PKD1L3: variants seen among roughly 807,000 people sequenced by gnomAD.
PKD1L3 encodes polycystin-1-like protein 3.
A neutral mutation model predicts 184.1 loss-of-function variants in PKD1L3; 239 were observed. That is an observed-to-expected ratio of 1.30 (90% CI 1.17 to 1.45). PKD1L3 has a LOEUF of 1.45. Ranked by LOEUF, PKD1L3 falls within the 40% of genes most tolerant of loss-of-function variation. The pLI, the probability that PKD1L3 is intolerant of heterozygous loss-of-function variation, is 0.00. For missense variants in PKD1L3, 2,660 were observed against 2,067.2 expected (o/e 1.29, Z -5.56); for synonymous variants, 996 against 778.8 (o/e 1.28, Z -4.64).
At position 71,982,029 on chromosome 16, in the gene PKD1L3, GATCTGGCCACCTGCAT is replaced by G; in HGVS notation, c.1143+14_1143+29del. 9.9e-6 allele frequency: 15 copies of G among 1,517,636 alleles called. No homozygotes were observed. Among genetic ancestry groups the G allele is most frequent in the Non-Finnish European group, 1.3e-5 (15 of 1,130,578 alleles). The allele number at this position is 1,517,636 out of a possible 1,614,324, so 94.0% of individuals were successfully genotyped here. A position where few individuals can be genotyped will look rare whatever the true frequency, so the allele number is the denominator to read the frequency against. ...GTCAAGATTAAAATGCTTCTAAGCA[GATCTGGCCACCTGCAT>G]ATCTGGCACCTACCGGCTCAGTATG... is the stretch of plus-strand genomic sequence containing the variant. On this transcript the variant is annotated intron_variant, in intron 7 of 29. Coordinates refer to ENST00000620267, the MANE Select transcript of PKD1L3 (RefSeq NM_181536.2).
Position 71,986,218 on chromosome 16 carries a change from T to C in PKD1L3, c.834+3A>G. The C allele has an allele frequency of 6.4e-7, 1 of 1,552,188 alleles. No homozygotes were observed. Among genetic ancestry groups the C allele is most frequent in the East Asian group, 2.4e-5 (1 of 40,930 alleles). ...ACCTGTGACTTGAATTTCCCATGTT[T>C]ACCTGACCAGATGCCTTCTGCAATG... is the stretch of plus-strand genomic sequence containing the variant. On this transcript the variant is annotated splice_donor_region_variant and intron_variant, in intron 5 of 29. Transcript: ENST00000620267.
intron 10 of PKD1L3, among the ~76,000 whole-genome samples, chr16:71,977,869 G>T (rs2039991837): frequency 6.6e-6 from 1 of 152,106 alleles, no homozygotes; most frequent in South Asian, 2.1e-4. Flanking sequence ...CCACCTCCTG[G>T]ATTCAAGCTA....
chr16:71,987,014 T>G (rs1018927567), intron 4 of PKD1L3, among the ~76,000 whole-genome samples: 1 of 136,934 alleles, frequency 7.3e-6, no homozygotes, highest in African/African-American at 2.8e-5. Flanking sequence ...AGCCTCCGCC[T>G]CCTGGGTTCA....
intron 16 of PKD1L3, 104 bp from the exon 17 acceptor site, chr16:71,954,405 G>C: frequency 1.2e-6 from 1 of 822,180 alleles, no homozygotes; most frequent in Non-Finnish European, 1.8e-6. Flanking sequence ...CAACTCCCAA[G>C]CCTCTATTCA....
At chr16:71,983,239 C>A (rs551357826) in intron 6 of PKD1L3, among the ~76,000 whole-genome samples, 1 of 151,662 alleles carries the variant, frequency 6.6e-6, no homozygotes, top group Non-Finnish European at 1.5e-5. Context: ...CTCCACCTTC[C>A]GGGCTCAAAC....
At chr16:71,975,292 A>G (rs892313553) in intron 11 of PKD1L3, among the ~76,000 whole-genome samples, 9 of 151,326 alleles carry the variant, frequency 5.9e-5, no homozygotes, top group Admixed American at 1.3e-4. Context: ...TCCTGGGCTT[A>G]AGTGATCCTC....
chr16:71,977,560 C>CTT lies in PKD1L3; in HGVS notation c.1528-95_1528-94dup, dbSNP rs1555523481. On this transcript the variant is annotated intron_variant, in intron 10 of 29. Coordinates refer to ENST00000620267, the MANE Select transcript of PKD1L3 (RefSeq NM_181536.2). ...GATAAGGTAAGGAAACGTCCTAGCT[C>CTT]TTTTTTTTTTTTTTTTTTTTGAGAT... 6.4e-3 allele frequency: 3,415 copies of CTT among 535,724 alleles called. 62 individuals are homozygous for CTT. The highest frequency in any genetic ancestry group is 0.01 in the Middle Eastern group (20 of 1,946). 33.2% of individuals were successfully genotyped at this position (535,724 alleles called of 1,614,324 possible). A position where few individuals can be genotyped will look rare whatever the true frequency, so the allele number is the denominator to read the frequency against.
At chr16:71,930,492 A>T (rs2037906932) in intron 28 of PKD1L3, 1 of 208,638 alleles carries the variant, frequency 4.8e-6, no homozygotes, top group South Asian at 1.6e-4. Context: ...CTAATCATGG[A>T]AGCTAAAAGT....
intron 19 of PKD1L3, among the ~76,000 whole-genome samples, chr16:71,951,363 T>C (rs2038826601): frequency 6.6e-6 from 1 of 152,222 alleles, no homozygotes; most frequent in South Asian, 2.1e-4. Context: ...TCCTGTACTT[T>C]GTTTCACCAG....
rs981048510 is a variant in PKD1L3 at position 71,943,014 on chromosome 16, G to C, written c.3870C>G (p.Leu1290=). The change falls in exon 24 of 30, where the codon CTC becomes CTG. Residue 1290 remains leucine (L), a synonymous_variant. Transcript: ENST00000620267. ...TTGCAGTCATCAACAGGGTAAGGAA[G>C]AGGATTTGTACTTGTTTAGAAGAGG... ...KLTGDILVQI[L]FLTLLMTAIY... 2.6e-6 allele frequency: 4 copies of C among 1,549,548 alleles called. No homozygotes were observed. The highest frequency in any genetic ancestry group is 2.0e-5 in the Admixed American group (1 of 50,934).
intron 12 of PKD1L3, 119 bp from the exon 13 acceptor site, chr16:71,970,224 C>G: frequency 1.3e-6 from 1 of 763,482 alleles, no homozygotes; most frequent in Non-Finnish European, 2.1e-6. Context: ...TCATTCACAG[C>G]TGGTGATGGC....
chr16:71,969,017 GTCTCCCGGGCTCAAGCAAT>G (rs1228401415), intron 13 of PKD1L3, among the ~76,000 whole-genome samples: 1 of 151,824 alleles, frequency 6.6e-6, no homozygotes, highest in Non-Finnish European at 1.5e-5. Flanking sequence ...CGCAACCTCT[GTCTCCCGGGCTCAAGCAAT>G]TCTCCTGCCT....
intron 15 of PKD1L3, among the ~76,000 whole-genome samples, chr16:71,965,711 G>T (rs557087943): frequency 6.6e-6 from 1 of 152,056 alleles, no homozygotes; most frequent in East Asian, 1.9e-4. Flanking sequence ...TTACCACCAT[G>T]CCCGGCTAAT....
chr16:71,946,303 C>A (rs962939977), intron 22 of PKD1L3, among the ~76,000 whole-genome samples: 1 of 152,126 alleles, frequency 6.6e-6, no homozygotes, highest in African/African-American at 2.4e-5. Context: ...CTGTGTACCC[C>A]TCTGTGATGG....
intron 6 of PKD1L3, among the ~76,000 whole-genome samples, 193 bp downstream of exon 6, chr16:71,983,843 C>G (rs1395784156): frequency 6.6e-6 from 1 of 150,846 alleles, no homozygotes; most frequent in East Asian, 2.0e-4. Flanking sequence ...TTTGTTTTTT[C>G]AGTAGAGACG....
chr16:71,935,368 C>G lies in PKD1L3; in HGVS notation c.4603G>C (p.Asp1535His), dbSNP rs1042400241. The change falls in exon 26 of 30, where the codon GAC becomes CAC. Residue 1535 changes from aspartate to histidine, a missense_variant. By Grantham distance (81) the Asp-to-His change is moderately conservative. Transcript: ENST00000620267. ...CAGGCTTCCTCTCACCTGTCCTGGT[C>G]ATCGCGGTATCGTGCCATGTTTTTC... is the stretch of plus-strand genomic sequence containing the variant. The part of the protein sequence containing the change: ...HKKNMARYRD[D>H]QDRFISFYEA... 9.7e-6 allele frequency: 15 copies of G among 1,551,308 alleles called. No homozygotes were observed. The highest frequency in any genetic ancestry group is 1.4e-5 in the African/African-American group (1 of 73,042).
At chr16:71,960,532 C>T (rs890681612) in intron 16 of PKD1L3, among the ~76,000 whole-genome samples, 2 of 146,460 alleles carry the variant, frequency 1.4e-5, no homozygotes, top group Admixed American at 1.4e-4. Flanking sequence ...CAAAGGGAGA[C>T]CTATATAATA....
At chr16:71,980,393 G>A (rs1464331658) in intron 7 of PKD1L3, among the ~76,000 whole-genome samples, 6 of 152,104 alleles carry the variant, frequency 3.9e-5, no homozygotes, top group South Asian at 2.1e-4. Flanking sequence ...ACCTGCTCAC[G>A]ATAGAGTTTT....
chr16:71,965,949 T>G (rs544152361), intron 15 of PKD1L3, among the ~76,000 whole-genome samples: 122 of 152,308 alleles, frequency 8.0e-4, no homozygotes, highest in African/African-American at 2.9e-3. Context: ...TCTTTTCAAG[T>G]GCTTACTATA....
Sources: gnomAD v4.1 joint callset for allele counts (sites outside exome capture counted in the v4.1 genomes callset) on GRCh38, gnomAD v4.1.1 for gene constraint, MANE v1.5 for transcripts, NCBI Gene and HGNC (gene_info 2026-07-23, HGNC 2026-07-21) for gene names.